EPHA6: variants seen among roughly 807,000 people sequenced by gnomAD.
The protein encoded by EPHA6 is EPH receptor A6.
A neutral mutation model predicts 112.0 loss-of-function variants in EPHA6; 50 were observed. The observed-to-expected ratio is 0.45, with a 90% confidence interval of 0.36 to 0.56. The LOEUF (loss-of-function observed/expected upper bound fraction) is 0.56, where lower values mean the gene tolerates loss of function less well. EPHA6 is among the 20% of genes least tolerant of loss of function. EPHA6 has a pLI of 0.00. For synonymous variants in EPHA6, 529 were observed against 490.7 expected (o/e 1.08, Z -1.03); for missense variants, 1,280 against 1,417.4 (o/e 0.90, Z 1.56).
chr3:97,694,397 C>T (rs757395616), intron 14 of EPHA6, among the ~76,000 whole-genome samples: 4 of 151,976 alleles, frequency 2.6e-5, no homozygotes, highest in East Asian at 1.9e-4. Context: ...CCACCATGGC[C>T]GGCTAATTTT....
intron 3 of EPHA6, among the ~76,000 whole-genome samples, chr3:97,215,914 A>G (rs1264891927): frequency 2.0e-5 from 3 of 152,190 alleles, no homozygotes; most frequent in Non-Finnish European, 4.4e-5. Context: ...TAGTTTATTG[A>G]ACATATTAGT....
chr3:97,726,316 A>G (rs959908798), intron 15 of EPHA6, among the ~76,000 whole-genome samples: 3 of 152,134 alleles, frequency 2.0e-5, no homozygotes, highest in Non-Finnish European at 1.5e-5. Flanking sequence ...TCTTCACACC[A>G]CAGTTCTACA....
At chr3:96,983,191 C>A (rs947331398) in intron 2 of EPHA6, among the ~76,000 whole-genome samples, 2 of 152,070 alleles carry the variant, frequency 1.3e-5, no homozygotes, top group African/African-American at 4.8e-5. Context: ...TGGCTGGTAC[C>A]GGTTGTTCCT....
intron 14 of EPHA6, among the ~76,000 whole-genome samples, chr3:97,648,845 T>G (rs2094086892): frequency 6.6e-6 from 1 of 152,210 alleles, no homozygotes; most frequent in South Asian, 2.1e-4. Context: ...ATTGAAATTC[T>G]ACCACAGGAT....
chr3:97,208,300 T>C (rs890816060), intron 3 of EPHA6, among the ~76,000 whole-genome samples: 3 of 152,224 alleles, frequency 2.0e-5, no homozygotes, highest in African/African-American at 4.8e-5. Context: ...TTTGGCAAGC[T>C]ATTTTAAAAT....
At chr3:97,520,183 G>A (rs574145203) in intron 10 of EPHA6, among the ~76,000 whole-genome samples, 1 of 152,096 alleles carries the variant, frequency 6.6e-6, no homozygotes, top group Non-Finnish European at 1.5e-5. Context: ...TAGCCAGGAT[G>A]GTCTCGATCT....
intron 3 of EPHA6, among the ~76,000 whole-genome samples, chr3:97,008,884 T>C (rs2043980687): frequency 6.6e-6 from 1 of 152,048 alleles, no homozygotes; most frequent in Non-Finnish European, 1.5e-5. Context: ...CAGGTCCCTC[T>C]TCTGTAGGGC....
rs143028690 is a variant in EPHA6 at position 96,871,302 on chromosome 3, A to G, written c.450+4413A>G. On this transcript the variant is annotated intron_variant, in intron 2 of 17. Transcript: ENST00000389672. ...GAAAGGACTTGATAATAGTACTCATATCATTAGATTATTAGAAGGATGAAA... is the reference window on the plus strand; with the variant it reads ...GAAAGGACTTGATAATAGTACTCATGTCATTAGATTATTAGAAGGATGAAA... Among the ~76,000 whole-genome samples the G allele has an allele frequency of 2.0e-5, 3 of 152,146 alleles. No individual in the cohort carries two copies. The East Asian group carries it at 5.8e-4, about 30-fold the overall frequency.
At chr3:97,269,568 C>A (rs989921071) in intron 5 of EPHA6, among the ~76,000 whole-genome samples, 2 of 152,202 alleles carry the variant, frequency 1.3e-5, no homozygotes, top group Non-Finnish European at 2.9e-5. Context: ...CAATGTTTAA[C>A]CCTGGCTACA....
intron 11 of EPHA6, among the ~76,000 whole-genome samples, chr3:97,568,404 C>T (rs2093294811): frequency 6.6e-6 from 1 of 152,030 alleles, no homozygotes; most frequent in African/African-American, 2.4e-5. Flanking sequence ...TTCAAGGTTC[C>T]CCACAGATTG....
chr3:97,239,297 G>A (rs952218925), intron 4 of EPHA6, among the ~76,000 whole-genome samples: 2 of 151,818 alleles, frequency 1.3e-5, no homozygotes, highest in Non-Finnish European at 2.9e-5. Context: ...TGTATGTTTT[G>A]AAAATGTGTA....
intron 1 of EPHA6, among the ~76,000 whole-genome samples, chr3:96,845,814 T>C (rs2035041287): frequency 6.6e-6 from 1 of 151,970 alleles, no homozygotes; most frequent in African/African-American, 2.4e-5. Context: ...GGCTCAACTT[T>C]GCAATTATAG....
chr3:96,888,976 A>T lies in EPHA6; in HGVS notation c.450+22087A>T, dbSNP rs139973232. Among the ~76,000 whole-genome samples the T allele has an allele frequency of 2.9e-3, 445 of 152,130 alleles. 4 individuals are homozygous for T. The highest frequency in any genetic ancestry group is 9.7e-3 in the African/African-American group (403 of 41,506). ...ATCTTGAATGCTTTGCTGCTTGGAA[A>T]TTTCTTCCGCCAGATACCCTAAATC... On this transcript the variant is annotated intron_variant, in intron 2 of 17. Transcript: ENST00000389672.
chr3:96,829,949 GCACACACA>G (rs67227502), intron 1 of EPHA6, among the ~76,000 whole-genome samples: 9,324 of 136,058 alleles, frequency 0.069, 552 homozygotes, highest in Admixed American at 0.21. Context: ...GCGCGCGCGC[GCACACACA>G]CACACACACA....
chr3:97,275,133 G>T (rs2080027041), intron 5 of EPHA6, among the ~76,000 whole-genome samples: 2 of 152,166 alleles, frequency 1.3e-5, no homozygotes, highest in African/African-American at 4.8e-5. Flanking sequence ...ACAGGGTGTG[G>T]TCCCGGCTCC....
At chr3:97,379,003 G>T (rs79956835) in intron 5 of EPHA6, among the ~76,000 whole-genome samples, 1 of 152,082 alleles carries the variant, frequency 6.6e-6, no homozygotes, top group Non-Finnish European at 1.5e-5. Flanking sequence ...GAGGGGCCAG[G>T]GTGGAATGTT....
At chr3:97,265,851 G>T (rs559327544) in intron 5 of EPHA6, among the ~76,000 whole-genome samples, 45 of 152,356 alleles carry the variant, frequency 3.0e-4, no homozygotes, top group African/African-American at 1.0e-3. Flanking sequence ...TGCTATCGGG[G>T]TAGCCCTAGA....
intron 2 of EPHA6, among the ~76,000 whole-genome samples, chr3:96,918,025 A>G (rs2039574220): frequency 6.6e-6 from 1 of 152,164 alleles, no homozygotes; most frequent in South Asian, 2.1e-4. Context: ...AAAAATCATG[A>G]AAAATTACTT....
chr3:97,447,707 T>C (rs1180432048), intron 6 of EPHA6: 9 of 986,056 alleles, frequency 9.1e-6, no homozygotes, highest in Non-Finnish European at 1.1e-5. Flanking sequence ...TAACAAACCC[T>C]GACTGTCTAG....
Sources: allele counts gnomAD v4.1 joint callset (sites outside exome capture counted in the v4.1 genomes callset), GRCh38; gene constraint gnomAD v4.1.1; transcripts MANE v1.5; gene names NCBI Gene and HGNC (gene_info 2026-07-23, HGNC 2026-07-21).